RICTOR: variants seen among roughly 807,000 people sequenced by gnomAD.
The protein encoded by RICTOR is RPTOR independent companion of MTOR complex 2.
Under a neutral mutation model 214.9 loss-of-function variants are expected in RICTOR, and 49 were observed. The observed-to-expected ratio is 0.23, with a 90% confidence interval of 0.18 to 0.29. The LOEUF is 0.29. Among genes scored for constraint, RICTOR ranks in the 10% least tolerant of loss-of-function variants. RICTOR has a pLI of 1.00. For missense variants in RICTOR, 1,625 were observed against 2,047.0 expected (o/e 0.79, Z 3.98); for synonymous variants, 717 against 711.3 (o/e 1.01, Z -0.13).
chr5:39,072,269 T>C (rs769576335), intron 2 of RICTOR, among the ~76,000 whole-genome samples: 9 of 152,164 alleles, frequency 5.9e-5, no homozygotes, highest in Non-Finnish European at 1.2e-4. Flanking sequence ...CTTACTAAAT[T>C]CTCAGTTAAT....
intron 2 of RICTOR, among the ~76,000 whole-genome samples, chr5:39,045,733 A>T (rs2150177616): frequency 6.6e-6 from 1 of 152,226 alleles, no homozygotes; most frequent in East Asian, 1.9e-4. Flanking sequence ...TTTCTCTATG[A>T]AACATGTCTA....
intron 15 of RICTOR, among the ~76,000 whole-genome samples, chr5:38,965,491 A>G (rs557387059): frequency 1.8e-3 from 276 of 152,166 alleles, no homozygotes; most frequent in African/African-American, 5.1e-3. Context: ...TTTTATTTCA[A>G]GAAAATTATA....
At chr5:39,047,516 G>A (rs1240062586) in intron 2 of RICTOR, among the ~76,000 whole-genome samples, 1 of 152,166 alleles carries the variant, frequency 6.6e-6, no homozygotes, top group Non-Finnish European at 1.5e-5. Flanking sequence ...GGGGACCCCT[G>A]CTTTAGTTCA....
chr5:39,050,337 T>C (rs966748813), intron 2 of RICTOR, among the ~76,000 whole-genome samples: 1 of 151,480 alleles, frequency 6.6e-6, no homozygotes, highest in Non-Finnish European at 1.5e-5. Context: ...TTTTTCTTTG[T>C]TTTTTTTCTT....
chr5:38,987,168 T>C lies in RICTOR; in HGVS notation c.583+3781A>G, dbSNP rs148452139. Among the ~76,000 whole-genome samples, 1,053 of 152,318 alleles carry C rather than the reference T, an allele frequency of 6.9e-3. 52 individuals are homozygous for C. The East Asian group carries it at 0.12, about 18-fold the overall frequency. On this transcript the variant is annotated intron_variant, in intron 7 of 37. Transcript: ENST00000357387. The stretch of plus-strand genomic sequence containing the variant: ...TTTTCACATCGATTTTCATCAGGGA[T>C]ATTAGCCTGAAATTTTCTTTTTTTG...
intron 2 of RICTOR, among the ~76,000 whole-genome samples, chr5:39,039,993 T>C (rs1424721272): frequency 6.6e-6 from 1 of 152,154 alleles, no homozygotes; most frequent in East Asian, 1.9e-4. Context: ...TTATAAATCA[T>C]GGTGCTATAA....
At chr5:39,056,902 CAGTT>C (rs761410865) in intron 2 of RICTOR, among the ~76,000 whole-genome samples, 5 of 152,082 alleles carry the variant, frequency 3.3e-5, no homozygotes, top group Non-Finnish European at 7.4e-5. Flanking sequence ...AATCAGGAGA[CAGTT>C]AGGAAATGAG....
chr5:38,949,349 G>T, intron 31 of RICTOR: 1 of 1,546,982 alleles, frequency 6.5e-7, no homozygotes, highest in Non-Finnish European at 8.6e-7. Flanking sequence ...GCCTTAAATT[G>T]ACCTACCTGA....
chr5:38,975,732 A>C (rs2150049796), intron 9 of RICTOR, 128 bp from the exon 10 acceptor site: 4 of 557,134 alleles, frequency 7.2e-6, no homozygotes, highest in Non-Finnish European at 9.2e-6. Flanking sequence ...AATTAAAACA[A>C]GACAAAGATC....
At chr5:39,008,757 T>C (rs1330222205) in intron 3 of RICTOR, among the ~76,000 whole-genome samples, 1 of 151,860 alleles carries the variant, frequency 6.6e-6, no homozygotes, top group East Asian at 1.9e-4. Context: ...AATTAAAATA[T>C]AAAAAACTGC....
intron 35 of RICTOR, 117 bp downstream of exon 35, chr5:38,944,796 T>C: frequency 1.9e-6 from 2 of 1,041,988 alleles, no homozygotes; most frequent in Non-Finnish European, 1.5e-6. Context: ...TTCACTAAAA[T>C]GGACGTATTA....
chr5:39,057,439 T>G (rs530937864), intron 2 of RICTOR, among the ~76,000 whole-genome samples: 4 of 152,114 alleles, frequency 2.6e-5, no homozygotes, highest in Non-Finnish European at 5.9e-5. Context: ...AATAATCAAA[T>G]TATCACTTTA....
At chr5:39,058,551 A>C (rs1758337615) in intron 2 of RICTOR, among the ~76,000 whole-genome samples, 2 of 152,126 alleles carry the variant, frequency 1.3e-5, no homozygotes, top group East Asian at 1.9e-4. Flanking sequence ...TTGAACTCTT[A>C]AAATAGAGAA....
chr5:39,007,003 C>T (rs1022692199), intron 3 of RICTOR, among the ~76,000 whole-genome samples: 3 of 152,064 alleles, frequency 2.0e-5, no homozygotes, highest in Non-Finnish European at 4.4e-5. Flanking sequence ...CGTTTTTATA[C>T]ATACATATTT....
chr5:39,024,507 A>G (rs980766180), intron 2 of RICTOR, among the ~76,000 whole-genome samples: 2 of 152,236 alleles, frequency 1.3e-5, no homozygotes, highest in South Asian at 2.1e-4. Flanking sequence ...TGATTTAACT[A>G]TATTTGAGAA....
intron 2 of RICTOR, among the ~76,000 whole-genome samples, chr5:39,047,370 T>C (rs1487019071): frequency 6.6e-6 from 1 of 152,104 alleles, no homozygotes; most frequent in Admixed American, 6.5e-5. Context: ...CATGTTCCTA[T>C]GAGAATCTAA....
At position 38,945,256 on chromosome 5, in the gene RICTOR, G is replaced by GGGCT. The variant is rs1158761832; in HGVS notation, c.4634-192_4634-189dup. On this transcript the variant is annotated intron_variant, in intron 34 of 37. Transcript: ENST00000357387. ...CTACAGCATGCAAAGGGCCTGGACA[G>GGGCT]GGCTGTTCACAGTGGAAAAGACCTA... The GGGCT allele has an allele frequency of 8.1e-6, 5 of 618,382 alleles. No individual in the cohort carries two copies. In the South Asian group the frequency reaches 1.0e-4, roughly 13 times the overall value. The allele number at this position is 618,382 out of a possible 1,614,324, so 38.3% of individuals were successfully genotyped here.
chr5:38,953,072 T>A lies in RICTOR; in HGVS notation c.2810A>T (p.Asn937Ile). 1 of 1,606,162 alleles carries A rather than the reference T, an allele frequency of 6.2e-7. No homozygotes were observed. Among genetic ancestry groups the A allele is most frequent in the Non-Finnish European group, 8.5e-7 (1 of 1,174,036 alleles). ...LWALGNIGSS[N>I]WGLNLLQEEN... ...TTCCTGTAGCAAATTGAGACCCCAA[T>A]TTGATGAGCCGATATTTCCCTGAAA... Residue 937 changes from asparagine to isoleucine, a missense_variant, in exon 29 of 38, where the codon AAT (asparagine) becomes ATT (isoleucine). Coordinates refer to ENST00000357387, the MANE Select transcript of RICTOR (RefSeq NM_152756.5).
At position 38,978,572 on chromosome 5, in the gene RICTOR, A is replaced by G; in HGVS notation, c.821+11T>C. ...TTATCTTAAAAATTATTAGGAACCA[A>G]TGTTACTTACTTGAGCTGTCCTTCA... On this transcript the variant is annotated intron_variant, in intron 9 of 37. Transcript: ENST00000357387. 1 of 1,452,876 alleles carries G rather than the reference A, an allele frequency of 6.9e-7. No individual in the cohort carries two copies. Among genetic ancestry groups the G allele is most frequent in the Non-Finnish European group, 9.6e-7 (1 of 1,044,676 alleles). 90.0% of individuals were successfully genotyped at this position (1,452,876 alleles called of 1,614,324 possible).
Sources: allele counts gnomAD v4.1 joint callset (sites outside exome capture counted in the v4.1 genomes callset), GRCh38; gene constraint gnomAD v4.1.1; transcripts MANE v1.5; gene names NCBI Gene and HGNC (gene_info 2026-07-23, HGNC 2026-07-21).